MT1M: variants seen among roughly 807,000 people sequenced by gnomAD.
MT1M encodes the protein metallothionein 1M.
In MT1M, 11 loss-of-function variants were observed where a neutral mutation model predicts 8.5. The observed-to-expected ratio is 1.29, with a 90% CI of 0.81 to 2.14. MT1M has a LOEUF of 2.14. Ranked by LOEUF, MT1M falls within the 30% of genes most tolerant of loss-of-function variation. MT1M has a pLI of 0.00. For synonymous variants in MT1M, 28 were observed against 30.0 expected (o/e 0.93, Z 0.22); for missense variants, 84 against 76.6 (o/e 1.10, Z -0.36).
chr16:56,633,340 G>T lies in MT1M; in HGVS notation c.29G>T (p.Gly10Val), dbSNP rs545104655. Reference sequence around the variant, plus strand: ...CACTGCGTTTTTCTCTTCCTTGCAGGTGTCTCCTGCGCCTGCACCGGCTCC... The same window carrying T: ...CACTGCGTTTTTCTCTTCCTTGCAGTTGTCTCCTGCGCCTGCACCGGCTCC... MDPNCSCTT[G>V]VSCACTGSCT... The change falls in exon 2 of 3, where the codon GGT becomes GTT. Residue 10 changes from glycine (G) to valine (V), a missense_variant and splice_region_variant. Transcript: ENST00000379818. 2.5e-6 allele frequency: 4 copies of T among 1,614,226 alleles called. No homozygotes were observed. The highest frequency in any genetic ancestry group is 3.3e-5 in the Admixed American group (2 of 60,036).
chr16:56,633,513 T>A, intron 2 of MT1M, 108 bp downstream of exon 2: 1 of 1,607,258 alleles, frequency 6.2e-7, no homozygotes, highest in Non-Finnish European at 8.5e-7. Flanking sequence ...TTCTTTGCCC[T>A]CATTGCCCGT....
Position 56,633,770 on chromosome 16 carries a change from C to T in MT1M, c.114C>T (p.Pro38=), listed in dbSNP as rs372191244. The change falls in exon 3 of 3, where the codon CCC becomes CCT. Residue 38 remains proline, a synonymous_variant. Coordinates refer to ENST00000379818, the MANE Select transcript of MT1M (RefSeq NM_176870.3). ...CCCCAGGCTGCTGCTCCTGCTGCCC[C>T]GTGGGCTGTGCCAAGTGTGCCCACG... ...SCKKSCCSCC[P]VGCAKCAHGC... is the part of the protein sequence containing the mutation. 4.5e-5 allele frequency: 73 copies of T among 1,614,074 alleles called. No homozygotes were observed. In the African/African-American group the frequency reaches 7.3e-4, roughly 16 times the overall value.
Position 56,633,857 on chromosome 16 carries a change from T to C in MT1M, c.*15T>C, listed in dbSNP as rs1174014190. 1.2e-6 allele frequency: 2 copies of C among 1,613,680 alleles called. No individual in the cohort carries two copies. Among genetic ancestry groups the C allele is most frequent in the African/African-American group, 1.3e-5 (1 of 74,928 alleles). The stretch of plus-strand genomic sequence containing the variant: ...GCTGTGCCTGATGTGGGAACAGCTC[T>C]TCTCCCAGATGTTAATAGAACAAGC... On this transcript the variant is annotated 3_prime_UTR_variant, in exon 3 of 3. Coordinates refer to ENST00000379818, the MANE Select transcript of MT1M (RefSeq NM_176870.3).
rs1960315945 is a variant in MT1M, at chr16:56,633,391, C to A, written c.80C>A (p.Thr27Asn). 3 of 1,614,212 alleles carry A rather than the reference C, an allele frequency of 1.9e-6. No homozygotes were observed. The highest frequency in any genetic ancestry group is 1.7e-4 in the Middle Eastern group (1 of 6,058). The change falls in exon 2 of 3, where the codon ACC becomes AAC. Residue 27 changes from threonine to asparagine, a missense_variant. By Grantham distance (65) the Thr-to-Asn change is moderately conservative (BLOSUM62 0). Coordinates refer to ENST00000379818, the MANE Select transcript of MT1M (RefSeq NM_176870.3). ...GSCTCKECKCTSCKKSCCSCC... is the reference protein window; with the variant it reads ...GSCTCKECKCNSCKKSCCSCC... Reference sequence around the variant, plus strand: ...TGCACGTGCAAAGAGTGCAAATGCACCTCCTGCAAGAAGAGTGAGTGCGGG... The same window carrying A: ...TGCACGTGCAAAGAGTGCAAATGCAACTCCTGCAAGAAGAGTGAGTGCGGG...
At chr16:56,633,050 G>A (rs1960309927) in intron 1 of MT1M, among the ~76,000 whole-genome samples, 2 of 152,208 alleles carry the variant, frequency 1.3e-5, no homozygotes. Context: ...CAATCAGGGT[G>A]GACTGGGGGC....
chr16:56,632,682 G>A lies in MT1M; in HGVS notation c.-50G>A. On this transcript the variant is annotated 5_prime_UTR_variant, in exon 1 of 3. Transcript: ENST00000379818. ...CCACCACGCCGTCCGGGTGGGCCTA[G>A]CAGTCGCTCCATTTATCGCTTGAGA... 1 of 1,611,786 alleles carries A rather than the reference G, an allele frequency of 6.2e-7. No individual in the cohort carries two copies. The highest frequency in any genetic ancestry group is 8.5e-7 in the Non-Finnish European group (1 of 1,179,338).
Position 56,632,668 on chromosome 16 carries a change from T to G in MT1M, c.-64T>G. 6.2e-7 allele frequency: 1 copy of G among 1,606,886 alleles called. No homozygotes were observed. Among genetic ancestry groups the G allele is most frequent in the South Asian group, 1.1e-5 (1 of 90,908 alleles). On this transcript the variant is annotated 5_prime_UTR_variant, in exon 1 of 3. Coordinates refer to ENST00000379818, the MANE Select transcript of MT1M (RefSeq NM_176870.3). The stretch of plus-strand genomic sequence containing the variant: ...CAGGCTGTGGCGCTCCACCACGCCG[T>G]CCGGGTGGGCCTAGCAGTCGCTCCA...
intron 1 of MT1M, 72 bp downstream of exon 1, chr16:56,632,831 G>A (rs1960306761): frequency 1.3e-6 from 2 of 1,585,012 alleles, no homozygotes; most frequent in Non-Finnish European, 1.7e-6. Context: ...CTGGGTTTGA[G>A]GAGGTCGCAT....
chr16:56,633,655 C>G lies in MT1M; in HGVS notation c.95-96C>G, dbSNP rs545503513. The G allele has an allele frequency of 2.1e-5, 33 of 1,601,292 alleles. No homozygotes were observed. In the African/African-American group the frequency reaches 3.7e-4, roughly 18 times the overall value. ...CTGTGCCAGACGTAAAAAGCTTCCTCTGGGTCTGGGTTCTGAGCTCCAGCC... is the reference window on the plus strand; with the variant it reads ...CTGTGCCAGACGTAAAAAGCTTCCTGTGGGTCTGGGTTCTGAGCTCCAGCC... On this transcript the variant is annotated intron_variant, in intron 2 of 2. Transcript: ENST00000379818.
chr16:56,632,899 C>A, intron 1 of MT1M, 140 bp downstream of exon 1: 1 of 1,146,854 alleles, frequency 8.7e-7, no homozygotes, highest in South Asian at 1.3e-5. Context: ...TTCCTGATCT[C>A]CCCTCTGAGA....
At chr16:56,633,188 C>A in intron 1 of MT1M, 152 bp from the exon 2 acceptor site, 5 of 1,291,828 alleles carry the variant, frequency 3.9e-6, no homozygotes, top group Non-Finnish European at 5.4e-6. Flanking sequence ...CCCTTCCCAG[C>A]GTTAGTGGAG....
rs775249671 is a variant in MT1M, at chr16:56,633,771, G to T, written c.115G>T (p.Val39Leu). 1 of 1,614,162 alleles carries T rather than the reference G, an allele frequency of 6.2e-7. No homozygotes were observed. Among genetic ancestry groups the T allele is most frequent in the East Asian group, 2.2e-5 (1 of 44,862 alleles). Residue 39 changes from valine to leucine, a missense_variant, in exon 3 of 3, where the codon GTG (valine) becomes TTG (leucine). Physicochemically the swap from Val to Leu is conservative, Grantham distance 32. Transcript: ENST00000379818. ...CKKSCCSCCPVGCAKCAHGCV... is the reference protein window; with the variant it reads ...CKKSCCSCCPLGCAKCAHGCV... ...CCCAGGCTGCTGCTCCTGCTGCCCC[G>T]TGGGCTGTGCCAAGTGTGCCCACGG...
At chr16:56,632,878 T>G in intron 1 of MT1M, 119 bp downstream of exon 1, 1 of 1,317,530 alleles carries the variant, frequency 7.6e-7, no homozygotes, top group Non-Finnish European at 1.1e-6. Context: ...TTTACTTCCT[T>G]AGGTGCTTTC....
intron 2 of MT1M, 61 bp downstream of exon 2, chr16:56,633,466 G>C: frequency 1.9e-6 from 3 of 1,614,202 alleles, no homozygotes; most frequent in Non-Finnish European, 2.5e-6. Flanking sequence ...GGGAACCCAA[G>C]GCTGGCCCTG....
rs774259846 is a variant in MT1M, at chr16:56,632,757, C to A, written c.26C>A (p.Thr9Asn). The change falls in exon 1 of 3, where the codon ACT becomes AAT. Residue 9 changes from threonine to asparagine, a missense_variant and splice_region_variant. Thr to Asn is a moderately conservative substitution (Grantham distance 65, BLOSUM62 0). Transcript: ENST00000379818. ...ATGGACCCCAACTGCTCCTGCACCA[C>A]TGGTAAGAGAAGCCGACCCTGCGCC... MDPNCSCT[T>N]GVSCACTGSC... 8 of 1,613,852 alleles carry A rather than the reference C, an allele frequency of 5.0e-6. No homozygotes were observed. The highest frequency in any genetic ancestry group is 5.9e-6 in the Non-Finnish European group (7 of 1,180,054).
chr16:56,632,882 T>G, intron 1 of MT1M, 123 bp downstream of exon 1: 1 of 1,294,274 alleles, frequency 7.7e-7, no homozygotes, highest in South Asian at 1.2e-5. Flanking sequence ...CTTCCTTAGG[T>G]GCTTTCTTCC....
intron 1 of MT1M, among the ~76,000 whole-genome samples, chr16:56,633,107 G>C (rs1199189440): frequency 6.6e-6 from 1 of 152,206 alleles, no homozygotes; most frequent in Non-Finnish European, 1.5e-5. Context: ...GTTCTGGCTG[G>C]CAATCTCAGT....
In MT1M at chr16:56,632,721, C is replaced by G; in HGVS notation, c.-11C>G. On this transcript the variant is annotated 5_prime_UTR_variant, in exon 1 of 3. Transcript: ENST00000379818. ...TATCGCTTGAGATCTCCAGCCTTACCGCGGCTCGAAATGGACCCCAACTGC... is the reference window on the plus strand; with the variant it reads ...TATCGCTTGAGATCTCCAGCCTTACGGCGGCTCGAAATGGACCCCAACTGC... 1 of 1,613,500 alleles carries G rather than the reference C, an allele frequency of 6.2e-7. No homozygotes were observed. The highest frequency in any genetic ancestry group is 1.1e-5 in the South Asian group (1 of 91,040).
chr16:56,633,448 G>T, intron 2 of MT1M, 43 bp downstream of exon 2: 1 of 1,614,260 alleles, frequency 6.2e-7, no homozygotes, highest in Middle Eastern at 1.7e-4. Context: ...CTGTGGCTGA[G>T]ATTGGGAGGG....
Sources: allele counts gnomAD v4.1 joint callset (sites outside exome capture counted in the v4.1 genomes callset), GRCh38; gene constraint gnomAD v4.1.1; transcripts MANE v1.5; gene names NCBI Gene and HGNC (gene_info 2026-07-23, HGNC 2026-07-21).